Variants in DLG1 observed in about 807,000 individuals in gnomAD.
DLG1 encodes discs large MAGUK scaffold protein 1, also known as disks large homolog 1.
DLG1 carries 42 observed loss-of-function variants against 123.4 expected under a neutral mutation model. That is an observed-to-expected ratio of 0.34 (90% CI 0.27 to 0.44). DLG1 has a LOEUF of 0.44. Ranked by LOEUF, DLG1 falls within the 20% of genes least tolerant of loss-of-function variation. The pLI is 1.00. For missense variants in DLG1, 942 were observed against 1,082.6 expected (o/e 0.87, Z 1.82); for synonymous variants, 317 against 356.2 (o/e 0.89, Z 1.24).
intron 15 of DLG1, among the ~76,000 whole-genome samples, chr3:197,090,620 T>C (rs756589061): frequency 2.6e-5 from 4 of 152,050 alleles, no homozygotes; most frequent in Non-Finnish European, 5.9e-5. Flanking sequence ...ATCAAGCTTG[T>C]AGTCACTACT....
Position 197,098,102 on chromosome 3 carries a change from C to T in DLG1, c.1546+6801G>A, listed in dbSNP as rs573706755. ...TAACTGGCTCTCCCAAGCCCGTACGCTGTTGCTCTTGAAACAAAAGAGACT... is the reference window on the plus strand; with the variant it reads ...TAACTGGCTCTCCCAAGCCCGTACGTTGTTGCTCTTGAAACAAAAGAGACT... On this transcript the variant is annotated intron_variant, in intron 14 of 24. Transcript: ENST00000667157. Among the ~76,000 whole-genome samples the T allele has an allele frequency of 3.9e-5, 6 of 152,280 alleles. No individual in the cohort carries two copies. The South Asian group carries it at 1.0e-3, about 26-fold the overall frequency.
chr3:197,142,778 A>T lies in DLG1; in HGVS notation c.538-10T>A. 6.3e-7 allele frequency: 1 copy of T among 1,598,604 alleles called. No homozygotes were observed. The highest frequency in any genetic ancestry group is 8.5e-7 in the Non-Finnish European group (1 of 1,175,430). On this transcript the variant is annotated splice_polypyrimidine_tract_variant and intron_variant, in intron 6 of 24. Transcript: ENST00000667157. ...CATCTGTGCCATTAACCTACAGGGG[A>T]AAAGAAAAGCAGCTCAGAAACTTCA...
At chr3:197,173,536 C>G (rs182634772) in intron 5 of DLG1, among the ~76,000 whole-genome samples, 167 of 152,266 alleles carry the variant, frequency 1.1e-3, no homozygotes, top group African/African-American at 3.9e-3. Flanking sequence ...TTACCCAGTA[C>G]TCTTTACTTA....
chr3:197,253,311 A>C (rs1755340305), intron 4 of DLG1, among the ~76,000 whole-genome samples: 1 of 152,238 alleles, frequency 6.6e-6, no homozygotes, highest in African/African-American at 2.4e-5. Flanking sequence ...GCAAATAAGC[A>C]CATGAAAAGA....
At chr3:197,201,534 C>T (rs1164047408) in intron 4 of DLG1, among the ~76,000 whole-genome samples, 1 of 152,054 alleles carries the variant, frequency 6.6e-6, no homozygotes, top group East Asian at 1.9e-4. Context: ...GGCCAAACAC[C>T]CAATCAAGAA....
At chr3:197,221,530 G>C (rs1425739426) in intron 4 of DLG1, among the ~76,000 whole-genome samples, 1 of 139,452 alleles carries the variant, frequency 7.2e-6, no homozygotes, top group African/African-American at 2.7e-5. Context: ...ATCTCAAAAA[G>C]AAAAGGAAAA....
At chr3:197,237,905 T>C (rs557550514) in intron 4 of DLG1, among the ~76,000 whole-genome samples, 1 of 152,318 alleles carries the variant, frequency 6.6e-6, no homozygotes, top group South Asian at 2.1e-4. Flanking sequence ...TCTCAACTGA[T>C]TTTATGAAGT....
At chr3:197,149,377 C>T (rs775942300) in intron 6 of DLG1, among the ~76,000 whole-genome samples, 14 of 151,926 alleles carry the variant, frequency 9.2e-5, no homozygotes, top group Non-Finnish European at 1.9e-4. Context: ...TATATGAATG[C>T]ACAAAAAAAA....
chr3:197,044,840 G>GC, intron 24 of DLG1, 111 bp from the exon 25 acceptor site: 1 of 561,376 alleles, frequency 1.8e-6, no homozygotes, highest in Non-Finnish European at 2.9e-6. Context: ...ACTCATCCAG[G>GC]AAGAATCACC....
At chr3:197,106,424 C>T (rs3906480) in intron 13 of DLG1, among the ~76,000 whole-genome samples, 16 of 148,912 alleles carry the variant, frequency 1.1e-4, no homozygotes, top group Non-Finnish European at 2.1e-4. Context: ...CAGCCCCCCC[C>T]ACCCCCCTCA....
chr3:197,197,816 TGAATA>T, intron 4 of DLG1, among the ~76,000 whole-genome samples: 1 of 152,324 alleles, frequency 6.6e-6, no homozygotes, highest in Non-Finnish European at 1.5e-5. Context: ...TCAATGGAAT[TGAATA>T]AAGAGTCCAG....
At chr3:197,121,917 T>C (rs78883362) in intron 11 of DLG1, among the ~76,000 whole-genome samples, 6,261 of 149,530 alleles carry the variant, frequency 0.042, 179 homozygotes, top group Non-Finnish European at 0.055. Context: ...CTAAGGAAAA[T>C]GCATTCAGAA....
At chr3:197,226,863 C>T (rs1446127899) in intron 4 of DLG1, among the ~76,000 whole-genome samples, 1 of 152,176 alleles carries the variant, frequency 6.6e-6, no homozygotes, top group African/African-American at 2.4e-5. Context: ...TTTTAATCAA[C>T]CCTTTGGCAG....
chr3:197,229,965 A>G (rs1362820304), intron 4 of DLG1, among the ~76,000 whole-genome samples: 1 of 152,240 alleles, frequency 6.6e-6, no homozygotes, highest in African/African-American at 2.4e-5. Flanking sequence ...TGTCACAGCT[A>G]GCAGAAATGG....
intron 10 of DLG1, among the ~76,000 whole-genome samples, chr3:197,132,274 T>C (rs2149558228): frequency 6.9e-6 from 1 of 144,318 alleles, no homozygotes; most frequent in Middle Eastern, 3.4e-3. Flanking sequence ...AGGTTTGGAT[T>C]GTTCTTCTCT....
intron 2 of DLG1, chr3:197,296,889 TGCTTAGTAAGAATGATAGA>T (rs1435079205): frequency 2.4e-6 from 1 of 412,940 alleles, no homozygotes; most frequent in Non-Finnish European, 4.3e-6. Flanking sequence ...TACAGAATAG[TGCTTAGTAAGAATGATAGA>T]GTGAAATACT....
intron 5 of DLG1, among the ~76,000 whole-genome samples, chr3:197,177,853 TAGAG>T (rs1472441908): frequency 6.6e-6 from 1 of 152,104 alleles, no homozygotes; most frequent in East Asian, 1.9e-4. Flanking sequence ...AATCATCAGT[TAGAG>T]AACTATTACA....
At chr3:197,155,916 T>C (rs1796220452) in intron 5 of DLG1, among the ~76,000 whole-genome samples, 1 of 152,130 alleles carries the variant, frequency 6.6e-6, no homozygotes, top group African/African-American at 2.4e-5. Context: ...ACCACTGCAC[T>C]CCAGCCTGGG....
chr3:197,078,961 T>C (rs1276349319), intron 17 of DLG1, among the ~76,000 whole-genome samples: 8 of 152,166 alleles, frequency 5.3e-5, no homozygotes, highest in Non-Finnish European at 1.2e-4. Context: ...CATAAAGATA[T>C]CATAATATAG....
Sources: allele counts gnomAD v4.1 joint callset (sites outside exome capture counted in the v4.1 genomes callset), GRCh38; gene constraint gnomAD v4.1.1; transcripts MANE v1.5; gene names NCBI Gene and HGNC (gene_info 2026-07-23, HGNC 2026-07-21).